Variants in CRACD observed in about 807,000 individuals in gnomAD.
The protein encoded by CRACD is capping protein inhibiting regulator of actin dynamics, also known as capping protein-inhibiting regulator of actin dynamics.
CRACD carries 56 observed loss-of-function variants against 106.8 expected under a neutral mutation model. The ratio of observed to expected loss-of-function variants is 0.52; its 90% CI spans 0.42 to 0.66. CRACD has a LOEUF of 0.66. Ranked by LOEUF, CRACD falls within the 30% of genes least tolerant of loss-of-function variation. CRACD has a pLI of 0.00. For missense variants in CRACD, 1,730 were observed against 1,623.2 expected, an observed-to-expected ratio of 1.07 and a Z score of -1.13; for synonymous variants, 754 against 670.8, an observed-to-expected ratio of 1.12 and a Z score of -1.92.
chr4:56,086,710 C>T (rs545723397), intron 1 of CRACD, among the ~76,000 whole-genome samples: 13 of 152,108 alleles, frequency 8.5e-5, no homozygotes, highest in Non-Finnish European at 1.5e-5. Context: ...TTCCCGGCAC[C>T]GCCCAGTGAG....
intron 3 of CRACD, among the ~76,000 whole-genome samples, chr4:56,293,669 A>C (rs1560522010): frequency 6.6e-6 from 1 of 152,188 alleles, no homozygotes; most frequent in Non-Finnish European, 1.5e-5. Flanking sequence ...AGCAGGAGCA[A>C]GAGAGAGCAA....
At chr4:56,150,643 A>G (rs1475700076) in intron 1 of CRACD, among the ~76,000 whole-genome samples, 1 of 152,206 alleles carries the variant, frequency 6.6e-6, no homozygotes, top group Non-Finnish European at 1.5e-5. Context: ...TTTGAACTTT[A>G]TTAAATGGTT....
At chr4:56,303,625 A>G (rs1027082956) in intron 4 of CRACD, among the ~76,000 whole-genome samples, 2 of 152,258 alleles carry the variant, frequency 1.3e-5, no homozygotes, top group African/African-American at 4.8e-5. Flanking sequence ...GATACAATAA[A>G]TCACACAAAA....
intron 1 of CRACD, among the ~76,000 whole-genome samples, chr4:56,112,141 G>A (rs993524879): frequency 2.6e-5 from 4 of 152,148 alleles, no homozygotes; most frequent in Non-Finnish European, 4.4e-5. Flanking sequence ...GTGGTTGCTG[G>A]TATTGGGTTA....
chr4:56,158,387 A>ATC (rs1735832430), intron 1 of CRACD, among the ~76,000 whole-genome samples: 2 of 151,994 alleles, frequency 1.3e-5, no homozygotes, highest in Admixed American at 1.3e-4. Context: ...AATTTATGGT[A>ATC]TTTTTTTTTA....
At chr4:56,217,839 T>C (rs73160418) in intron 2 of CRACD, among the ~76,000 whole-genome samples, 5,154 of 152,284 alleles carry the variant, frequency 0.034, 315 homozygotes, top group African/African-American at 0.12. Context: ...ATTCAGTTGG[T>C]TGTGGGAGCT....
intron 1 of CRACD, among the ~76,000 whole-genome samples, chr4:56,134,222 C>A (rs548598974): frequency 2.6e-5 from 4 of 151,602 alleles, no homozygotes; most frequent in Non-Finnish European, 5.9e-5. Flanking sequence ...AAAAAGAAAT[C>A]GACTCAGAAG....
intron 1 of CRACD, among the ~76,000 whole-genome samples, chr4:56,094,204 T>C (rs1452254730): frequency 6.6e-6 from 1 of 152,200 alleles, no homozygotes. Context: ...ATATGTATAT[T>C]TTCTTGCAAT....
At chr4:56,294,833 G>A (rs1743898642) in intron 3 of CRACD, among the ~76,000 whole-genome samples, 1 of 143,124 alleles carries the variant, frequency 7.0e-6, no homozygotes, top group Non-Finnish European at 1.5e-5. Flanking sequence ...AGAATTGCTT[G>A]AACCCAGAAG....
chr4:56,124,839 A>G (rs954764268), intron 1 of CRACD, among the ~76,000 whole-genome samples: 1 of 152,190 alleles, frequency 6.6e-6, no homozygotes, highest in Non-Finnish European at 1.5e-5. Context: ...TAGTAGAACA[A>G]TTGTGGGCTC....
chr4:56,094,164 T>C (rs1398115450), intron 1 of CRACD, among the ~76,000 whole-genome samples: 1 of 152,216 alleles, frequency 6.6e-6, no homozygotes, highest in African/African-American at 2.4e-5. Context: ...AAGGAAACTA[T>C]TCAAGATGCA....
rs543659306 is a variant in CRACD at position 56,272,481 on chromosome 4, A to G, written c.-28A>G. 6.5e-5 allele frequency: 10 copies of G among 152,776 alleles called. No homozygotes were observed. The highest frequency in any genetic ancestry group is 2.2e-4 in the African/African-American group (9 of 41,566). The allele number at this position is 152,776 out of a possible 1,614,324, so 9.5% of individuals were successfully genotyped here. ...TCTCTTCGGATGAGGAGACCCTGGAAGACAATCTAAGGTAATAACTTGCAC... is the reference window on the plus strand; with the variant it reads ...TCTCTTCGGATGAGGAGACCCTGGAGGACAATCTAAGGTAATAACTTGCAC... On this transcript the variant is annotated 5_prime_UTR_variant, in exon 3 of 11. Coordinates refer to ENST00000682029, the MANE Select transcript of CRACD (RefSeq NM_001393381.1).
At chr4:56,157,306 A>G (rs911873880) in intron 1 of CRACD, among the ~76,000 whole-genome samples, 6 of 152,208 alleles carry the variant, frequency 3.9e-5, no homozygotes, top group African/African-American at 1.4e-4. Flanking sequence ...CATCTCTACA[A>G]AAAATTTAAA....
intron 3 of CRACD, among the ~76,000 whole-genome samples, chr4:56,289,238 G>A (rs1037748618): frequency 4.6e-5 from 7 of 152,266 alleles, no homozygotes; most frequent in African/African-American, 1.7e-4. Flanking sequence ...CCACTGAACT[G>A]TGTACTTAAA....
chr4:56,316,382 G>A lies in CRACD; in HGVS notation c.2880G>A (p.Lys960=), dbSNP rs780422078. 4.3e-6 allele frequency: 7 copies of A among 1,613,994 alleles called. No individual in the cohort carries two copies. In the East Asian group the frequency reaches 1.6e-4, roughly 36 times the overall value. ...CAAACAAAATGCCACTGGCACAAAA[G>A]CCAGCACTGGCTCCCAAGCCCACCA... ...KAANKMPLAQ[K]PALAPKPTSQ... is the part of the protein sequence containing the mutation. The change falls in exon 8 of 11, where the codon AAG becomes AAA. Residue 960 remains lysine (K), a synonymous_variant. Transcript: ENST00000682029.
intron 1 of CRACD, among the ~76,000 whole-genome samples, chr4:56,087,113 G>A (rs946644629): frequency 6.6e-6 from 1 of 152,040 alleles, no homozygotes; most frequent in African/African-American, 2.4e-5. Context: ...CCGGGTTTAA[G>A]CAACTCTCCC....
chr4:56,202,920 G>T (rs1193111962), intron 2 of CRACD, among the ~76,000 whole-genome samples: 1 of 152,098 alleles, frequency 6.6e-6, no homozygotes, highest in African/African-American at 2.4e-5. Context: ...AATTTAAGAA[G>T]ATTTTATTTT....
chr4:56,166,742 G>T (rs112573532), intron 1 of CRACD, among the ~76,000 whole-genome samples: 1,794 of 149,900 alleles, frequency 0.012, 61 homozygotes, highest in East Asian at 0.12. Context: ...TAGCAGCAAG[G>T]ACAATTTAGT....
chr4:56,300,531 C>T (rs947334628), intron 4 of CRACD, among the ~76,000 whole-genome samples: 4 of 152,094 alleles, frequency 2.6e-5, no homozygotes, highest in South Asian at 4.2e-4. Context: ...AAAACCTTGA[C>T]CCCCCTCCTC....
Sources: gnomAD v4.1 joint callset for allele counts (sites outside exome capture counted in the v4.1 genomes callset) on GRCh38, gnomAD v4.1.1 for gene constraint, MANE v1.5 for transcripts, NCBI Gene and HGNC (gene_info 2026-07-23, HGNC 2026-07-21) for gene names.